Variants in SUGCT observed in about 807,000 individuals in gnomAD.
The protein encoded by SUGCT is succinyl-CoA:glutarate-CoA transferase.
In SUGCT, 41 loss-of-function variants were observed where a neutral mutation model predicts 55.0. The observed-to-expected ratio is 0.74, with a 90% CI of 0.58 to 0.97. SUGCT has a LOEUF of 0.97. Ranked by LOEUF, SUGCT falls within the 50% of genes least tolerant of loss-of-function variation. The probability of loss-of-function intolerance (pLI) is 0.00; values close to 1 mark genes in which losing one functional copy is unlikely to be tolerated. For synonymous variants in SUGCT, 187 were observed against 200.4 expected, an observed-to-expected ratio of 0.93 and a Z score of 0.56; for missense variants, 568 against 547.8, an observed-to-expected ratio of 1.04 and a Z score of -0.37.
At chr7:41,012,144 C>A in the SUGCT span, among the ~76,000 whole-genome samples, 1 of 152,132 alleles carries the variant, frequency 6.6e-6, no homozygotes, top group African/African-American at 2.4e-5. Context: ...TTTCCCGGAA[C>A]CAGCCTTTTC....
At chr7:40,660,441 T>A (rs888996375) in intron 12 of SUGCT, among the ~76,000 whole-genome samples, 3 of 152,128 alleles carry the variant, frequency 2.0e-5, no homozygotes, top group African/African-American at 7.2e-5. Flanking sequence ...GTATTTTTAG[T>A]AGAGACGGGG....
At position 40,247,999 on chromosome 7, in the gene SUGCT, GTTTTTGTTTTTTTGT is replaced by G. The variant is rs1264011221; in HGVS notation, c.576+10279_576+10293del. On this transcript the variant is annotated intron_variant, in intron 7 of 13. Transcript: ENST00000335693. ...GAAGGTTTATAGTTGTGATTCTTGTGTTTTTGTTTTTTTGTTTTTTTTTTTTTTTGAGATGGAGTT... is the reference window on the plus strand; with the variant it reads ...GAAGGTTTATAGTTGTGATTCTTGTGTTTTTTTTTTTTTTGAGATGGAGTT... 4.5e-3 allele frequency among the ~76,000 whole-genome samples: 515 copies of G among 114,820 alleles called. 3 individuals carry two copies. The highest frequency in any genetic ancestry group is 5.2e-3 in the Non-Finnish European group (309 of 59,422). 75.3% of individuals were successfully genotyped at this position (114,820 alleles called of 152,430 possible).
At chr7:40,673,070 C>A (rs906931792) in intron 12 of SUGCT, among the ~76,000 whole-genome samples, 2 of 152,136 alleles carry the variant, frequency 1.3e-5, no homozygotes, top group Admixed American at 6.5e-5. Context: ...ATATTTAGAT[C>A]TCTATCAATA....
the SUGCT span, among the ~76,000 whole-genome samples, chr7:41,035,807 G>C: frequency 1.3e-5 from 2 of 152,130 alleles, no homozygotes; most frequent in African/African-American, 4.8e-5. Flanking sequence ...CAGCTTCCTC[G>C]TGTCTCCACA....
At chr7:40,996,315 C>T in the SUGCT span, among the ~76,000 whole-genome samples, 4 of 152,234 alleles carry the variant, frequency 2.6e-5, no homozygotes, top group Non-Finnish European at 5.9e-5. Flanking sequence ...GAAGGGACCC[C>T]GCCAGTCTGC....
chr7:40,724,138 G>A (rs1562965087), intron 12 of SUGCT, among the ~76,000 whole-genome samples: 1 of 152,190 alleles, frequency 6.6e-6, no homozygotes, highest in African/African-American at 2.4e-5. Flanking sequence ...CAAAAAAAAT[G>A]AGCACATGAT....
At chr7:40,902,232 G>C in the SUGCT span, among the ~76,000 whole-genome samples, 1 of 152,008 alleles carries the variant, frequency 6.6e-6, no homozygotes, top group East Asian at 1.9e-4. Context: ...AAAAAAACAA[G>C]CATACATTAT....
At chr7:40,251,040 A>G (rs1177673609) in intron 7 of SUGCT, among the ~76,000 whole-genome samples, 1 of 151,920 alleles carries the variant, frequency 6.6e-6, no homozygotes, top group East Asian at 1.9e-4. Flanking sequence ...CATCTTGACC[A>G]GGCTGGTCTC....
the SUGCT span, among the ~76,000 whole-genome samples, chr7:40,987,043 C>A: frequency 6.6e-6 from 1 of 152,086 alleles, no homozygotes; most frequent in Non-Finnish European, 1.5e-5. Flanking sequence ...AATGATAAGG[C>A]AAGACATTGC....
chr7:40,523,229 A>G (rs1272820652), intron 12 of SUGCT, among the ~76,000 whole-genome samples: 1 of 152,098 alleles, frequency 6.6e-6, no homozygotes, highest in African/African-American at 2.4e-5. Flanking sequence ...TCTTATATCA[A>G]AATCCCCCAA....
chr7:41,027,954 C>A, the SUGCT span, among the ~76,000 whole-genome samples: 3 of 152,184 alleles, frequency 2.0e-5, no homozygotes, highest in African/African-American at 7.2e-5. Context: ...GCTGATGAAC[C>A]CATCCAAACT....
the SUGCT span, among the ~76,000 whole-genome samples, chr7:40,920,528 G>A: frequency 1.3e-5 from 2 of 152,276 alleles, no homozygotes; most frequent in African/African-American, 4.8e-5. Context: ...GAAGCGAGGT[G>A]GTCCAGCTAC....
intron 12 of SUGCT, among the ~76,000 whole-genome samples, chr7:40,563,553 A>AG (rs1795960460): frequency 6.6e-6 from 1 of 151,720 alleles, no homozygotes. Context: ...AAAAAAAAAA[A>AG]AGAGAGAGAA....
At chr7:40,885,921 T>C in the SUGCT span, among the ~76,000 whole-genome samples, 1 of 152,228 alleles carries the variant, frequency 6.6e-6, no homozygotes, top group African/African-American at 2.4e-5. Context: ...CTTTTTCTCA[T>C]TATAACAGAT....
chr7:41,011,356 A>G, the SUGCT span, among the ~76,000 whole-genome samples: 1 of 152,346 alleles, frequency 6.6e-6, no homozygotes, highest in Non-Finnish European at 1.5e-5. Context: ...AAAAGATAGT[A>G]GAAGACAAAA....
At chr7:40,487,560 T>G (rs911430547) in intron 11 of SUGCT, among the ~76,000 whole-genome samples, 4 of 152,114 alleles carry the variant, frequency 2.6e-5, no homozygotes, top group African/African-American at 4.8e-5. Context: ...TAATGTTTCC[T>G]TGTTGATTTT....
At chr7:40,176,053 G>A (rs551966549) in intron 1 of SUGCT, among the ~76,000 whole-genome samples, 3 of 152,180 alleles carry the variant, frequency 2.0e-5, no homozygotes, top group South Asian at 2.1e-4. Context: ...CCAACATGGC[G>A]AAACCCCGTC....
intron 13 of SUGCT, among the ~76,000 whole-genome samples, chr7:40,821,209 G>A (rs1174888482): frequency 6.6e-6 from 1 of 152,032 alleles, no homozygotes; most frequent in African/African-American, 2.4e-5. Flanking sequence ...CATCAGGGAT[G>A]TTTGTCTAAA....
intron 13 of SUGCT, among the ~76,000 whole-genome samples, chr7:40,859,642 CAATT>C (rs1794386218): frequency 6.6e-6 from 1 of 152,184 alleles, no homozygotes; most frequent in South Asian, 2.1e-4. Context: ...TCTATGATCT[CAATT>C]AAATCCTTAC....
Sources: gnomAD v4.1 joint callset for allele counts (sites outside exome capture counted in the v4.1 genomes callset) on GRCh38, gnomAD v4.1.1 for gene constraint, MANE v1.5 for transcripts, NCBI Gene and HGNC (gene_info 2026-07-23, HGNC 2026-07-21) for gene names.